HS3ST3A1: variants seen among roughly 807,000 people sequenced by gnomAD.
The protein encoded by HS3ST3A1 is heparan sulfate glucosamine 3-O-sulfotransferase 3A1.
Under a neutral mutation model 25.7 loss-of-function variants are expected in HS3ST3A1, and 19 were observed. That is an observed-to-expected ratio of 0.74 (90% CI 0.52 to 1.08). HS3ST3A1 has a LOEUF of 1.08. Among genes scored for constraint, HS3ST3A1 ranks in the 50% least tolerant of loss-of-function variants. The probability of loss-of-function intolerance (pLI) is 0.00; values close to 1 mark genes in which losing one functional copy is unlikely to be tolerated. For missense variants in HS3ST3A1, 459 were observed against 594.3 expected, an observed-to-expected ratio of 0.77 and a Z score of 2.37; for synonymous variants, 226 against 278.6, an observed-to-expected ratio of 0.81 and a Z score of 1.88.
chr17:13,539,365 T>C lies in HS3ST3A1; in HGVS notation c.600-42547A>G, dbSNP rs115172315. 5.4e-3 allele frequency among the ~76,000 whole-genome samples: 815 copies of C among 152,332 alleles called. 7 individuals carry two copies. The highest frequency in any genetic ancestry group is 0.019 in the African/African-American group (781 of 41,570). ...GCACAAATATGGGTGGGAGAAATAG[T>C]TGGCATATCTATGGAGACAGTCAAC... is the stretch of plus-strand genomic sequence containing the variant. On this transcript the variant is annotated intron_variant, in intron 1 of 1. Coordinates refer to ENST00000284110, the MANE Select transcript of HS3ST3A1 (RefSeq NM_006042.3).
At chr17:13,586,764 G>A (rs1276526154) in intron 1 of HS3ST3A1, among the ~76,000 whole-genome samples, 1 of 148,398 alleles carries the variant, frequency 6.7e-6, no homozygotes, top group East Asian at 2.0e-4. Context: ...CAGCTACTGG[G>A]GAGGCTGAGG....
chr17:13,549,712 A>C (rs1907190286), intron 1 of HS3ST3A1, among the ~76,000 whole-genome samples: 1 of 152,190 alleles, frequency 6.6e-6, no homozygotes, highest in South Asian at 2.1e-4. Flanking sequence ...ATACAGACTT[A>C]ACATGGTTCC....
intron 1 of HS3ST3A1, among the ~76,000 whole-genome samples, chr17:13,515,325 A>T (rs1486487291): frequency 6.6e-6 from 1 of 152,002 alleles, no homozygotes; most frequent in Non-Finnish European, 1.5e-5. Context: ...ATACCTGGCT[A>T]ATTTTTGTAT....
Position 13,495,843 on chromosome 17 carries a change from A to G in HS3ST3A1, c.*354T>C, listed in dbSNP as rs1160849971. On this transcript the variant is annotated 3_prime_UTR_variant, in exon 2 of 2. Transcript: ENST00000284110. ...GAGAAAAATATAAGGATAGATATCA[A>G]TTTTATCAGGGCCTTGTATTTTAAA... is the stretch of plus-strand genomic sequence containing the variant. 1 of 179,040 alleles carries G rather than the reference A, an allele frequency of 5.6e-6. No homozygotes were observed. Among genetic ancestry groups the G allele is most frequent in the African/African-American group, 2.4e-5 (1 of 42,350 alleles). 11.1% of individuals were successfully genotyped at this position (179,040 alleles called of 1,614,324 possible).
At chr17:13,527,554 C>T (rs1406015728) in intron 1 of HS3ST3A1, among the ~76,000 whole-genome samples, 2 of 152,064 alleles carry the variant, frequency 1.3e-5, no homozygotes, top group Admixed American at 6.6e-5. Flanking sequence ...AGAGTGAAGC[C>T]CCCCTGCTCC....
At chr17:13,505,743 G>T (rs922722937) in intron 1 of HS3ST3A1, among the ~76,000 whole-genome samples, 4 of 151,892 alleles carry the variant, frequency 2.6e-5, no homozygotes, top group Admixed American at 6.6e-5. Flanking sequence ...AAGAAAATTT[G>T]GGCTGGGCAT....
rs1310098021 is a variant in HS3ST3A1, at chr17:13,584,066, A to G, written c.599+16465T>C. 2.0e-5 allele frequency among the ~76,000 whole-genome samples: 3 copies of G among 152,238 alleles called. No individual in the cohort carries two copies. The East Asian group carries it at 5.8e-4, about 29-fold the overall frequency. On this transcript the variant is annotated intron_variant, in intron 1 of 1. Transcript: ENST00000284110. ...TATGTGCTATCTGGTATTCATAGTG[A>G]ACACATAAAAATATGTCACTGATGG... is the stretch of plus-strand genomic sequence containing the variant.
rs1907917159 is a variant in HS3ST3A1 at position 13,575,037 on chromosome 17, GTCT to G, written c.599+25491_599+25493del. Among the ~76,000 whole-genome samples, 5 of 151,828 alleles carry G rather than the reference GTCT, an allele frequency of 3.3e-5. No homozygotes were observed. The South Asian group carries it at 1.0e-3, about 32-fold the overall frequency. On this transcript the variant is annotated intron_variant, in intron 1 of 1. Transcript: ENST00000284110. ...TGCCCCTACCTGGAATTTTTTCTCA[GTCT>G]CTCTGTTTATCTAATTCCTATCCAT... is the stretch of plus-strand genomic sequence containing the variant.
chr17:13,546,480 A>G (rs2142351067), intron 1 of HS3ST3A1, among the ~76,000 whole-genome samples: 1 of 151,982 alleles, frequency 6.6e-6, no homozygotes, highest in South Asian at 2.1e-4. Context: ...GTTGGCCAAG[A>G]TGGTCTTGAT....
At chr17:13,514,642 G>C (rs1206108441) in intron 1 of HS3ST3A1, among the ~76,000 whole-genome samples, 1 of 152,214 alleles carries the variant, frequency 6.6e-6, no homozygotes, top group Non-Finnish European at 1.5e-5. Context: ...CCAGCACTTT[G>C]AGAGGACAAG....
chr17:13,513,221 A>C (rs1486852385), intron 1 of HS3ST3A1, among the ~76,000 whole-genome samples: 1 of 152,150 alleles, frequency 6.6e-6, no homozygotes, highest in African/African-American at 2.4e-5. Context: ...CAGATGAGGC[A>C]CTTCACGCGG....
At chr17:13,564,689 C>A (rs909998647) in intron 1 of HS3ST3A1, among the ~76,000 whole-genome samples, 1 of 150,512 alleles carries the variant, frequency 6.6e-6, no homozygotes, top group South Asian at 2.1e-4. Context: ...TGTGGAATGT[C>A]CCCTGTGCTT....
intron 1 of HS3ST3A1, among the ~76,000 whole-genome samples, chr17:13,513,540 A>G (rs998950852): frequency 1.3e-5 from 2 of 152,224 alleles, no homozygotes; most frequent in African/African-American, 2.4e-5. Context: ...ACATCCATGC[A>G]GATCTCATTC....
intron 1 of HS3ST3A1, among the ~76,000 whole-genome samples, chr17:13,506,554 A>G (rs1241271346): frequency 6.6e-6 from 1 of 152,254 alleles, no homozygotes; most frequent in African/African-American, 2.4e-5. Context: ...GAGATCTGAA[A>G]GAATGCAGTT....
intron 1 of HS3ST3A1, among the ~76,000 whole-genome samples, chr17:13,514,521 C>T (rs774912170): frequency 2.0e-5 from 3 of 152,108 alleles, no homozygotes; most frequent in Admixed American, 6.6e-5. Context: ...GCTATGTATC[C>T]TTCATTTTGT....
chr17:13,495,594 C>T lies in HS3ST3A1; in HGVS notation c.*603G>A, dbSNP rs1905243347. The T allele has an allele frequency of 6.6e-6, 1 of 152,206 alleles. No homozygotes were observed. Among genetic ancestry groups the T allele is most frequent in the Non-Finnish European group, 1.5e-5 (1 of 68,086 alleles). The allele number at this position is 152,206 out of a possible 1,614,324, so 9.4% of individuals were successfully genotyped here. ...GTCCAGGGTCCATCCAACATTTGAC[C>T]TTTAGATACATTATTTCACCTCCCA... On this transcript the variant is annotated 3_prime_UTR_variant, in exon 2 of 2. Coordinates refer to ENST00000284110, the MANE Select transcript of HS3ST3A1 (RefSeq NM_006042.3).
In HS3ST3A1 at chr17:13,524,004, A is replaced by G. The variant is rs777159285; in HGVS notation, c.600-27186T>C. ...CTGACTGTACAAACATGATAGGTAT[A>G]TAGTGTTATCATTTGGCTCTTACAT... On this transcript the variant is annotated intron_variant, in intron 1 of 1. Transcript: ENST00000284110. 3.9e-5 allele frequency among the ~76,000 whole-genome samples: 6 copies of G among 152,132 alleles called. No individual in the cohort carries two copies. In the South Asian group the frequency reaches 1.0e-3, roughly 26 times the overall value.
chr17:13,572,273 A>G (rs1907837256), intron 1 of HS3ST3A1, among the ~76,000 whole-genome samples: 1 of 152,188 alleles, frequency 6.6e-6, no homozygotes, highest in African/African-American at 2.4e-5. Flanking sequence ...GATAATACTG[A>G]GTCCTAAAGA....
intron 1 of HS3ST3A1, among the ~76,000 whole-genome samples, chr17:13,593,671 G>A (rs768935075): frequency 3.3e-5 from 5 of 152,182 alleles, no homozygotes; most frequent in Non-Finnish European, 5.9e-5. Context: ...ATCCTTCAAC[G>A]CCTGTTAGGC....
Sources: gnomAD v4.1 joint callset for allele counts (sites outside exome capture counted in the v4.1 genomes callset) on GRCh38, gnomAD v4.1.1 for gene constraint, MANE v1.5 for transcripts, NCBI Gene and HGNC (gene_info 2026-07-23, HGNC 2026-07-21) for gene names.